EYS: variants seen among roughly 807,000 people sequenced by gnomAD.
EYS encodes protein eyes shut homolog.
EYS carries 250 observed loss-of-function variants against 282.1 expected under a neutral mutation model. That is an observed-to-expected ratio of 0.89 (90% CI 0.80 to 0.98). EYS has a LOEUF of 0.98. Ranked by LOEUF, EYS falls within the 50% of genes least tolerant of loss-of-function variation. The pLI is 0.00. For synonymous variants in EYS, 1,355 were observed against 1,282.9 expected, an observed-to-expected ratio of 1.06 and a Z score of -1.20; for missense variants, 4,016 against 3,709.0, an observed-to-expected ratio of 1.08 and a Z score of -2.15.
intron 30 of EYS, among the ~76,000 whole-genome samples, chr6:64,302,440 T>G (rs6454782): frequency 0.69 from 104,321 of 152,016 alleles, 35,825 homozygotes; most frequent in South Asian, 0.71. Context: ...ATACCAACAC[T>G]TATCTAATTA....
rs1333331886 is a variant in EYS at position 63,778,075 on chromosome 6, T to C, written c.7829A>G (p.His2610Arg). 3 of 1,551,636 alleles carry C rather than the reference T, an allele frequency of 1.9e-6. No individual in the cohort carries two copies. Among genetic ancestry groups the C allele is most frequent in the South Asian group, 2.4e-5 (2 of 84,070 alleles). The change falls in exon 40 of 43, where the codon CAT (histidine) becomes CGT (arginine). Residue 2610 changes from histidine to arginine, a missense_variant. Coordinates refer to ENST00000503581, the MANE Select transcript of EYS (RefSeq NM_001142800.2). ...TTTCATTAAACTGCAGGGAGAAGCA[T>C]GACACTGGCCAACACTGCGTCCAGC... ...PNAGRSVGQC[H>R]ASPCSLMKCG...
At chr6:64,872,756 G>C (rs1207130179) in intron 19 of EYS, among the ~76,000 whole-genome samples, 1 of 151,948 alleles carries the variant, frequency 6.6e-6, no homozygotes, top group Non-Finnish European at 1.5e-5. Context: ...AGTCTCAAAG[G>C]AACATAAACA....
At chr6:64,704,895 G>T (rs1295284666) in intron 22 of EYS, among the ~76,000 whole-genome samples, 2 of 151,980 alleles carry the variant, frequency 1.3e-5, no homozygotes, top group Admixed American at 6.6e-5. Flanking sequence ...AAAGTTAATA[G>T]CATTCCCGTT....
intron 30 of EYS, among the ~76,000 whole-genome samples, chr6:64,246,085 C>T (rs1019624531): frequency 1.4e-5 from 2 of 146,030 alleles, no homozygotes; most frequent in Middle Eastern, 3.8e-3. Flanking sequence ...GTCCATTAAC[C>T]TCCATATCCA....
chr6:64,897,298 T>C (rs908005977), intron 18 of EYS, among the ~76,000 whole-genome samples: 3 of 152,100 alleles, frequency 2.0e-5, no homozygotes, highest in African/African-American at 7.2e-5. Flanking sequence ...CCACTGGTGA[T>C]ACCCAGGCAA....
intron 36 of EYS, among the ~76,000 whole-genome samples, chr6:63,813,956 A>G (rs1345510711): frequency 2.6e-5 from 4 of 152,210 alleles, no homozygotes; most frequent in African/African-American, 9.6e-5. Context: ...ATTTGCAAAA[A>G]TACAAGATGA....
intron 26 of EYS, among the ~76,000 whole-genome samples, chr6:64,456,822 C>A (rs557729269): frequency 1.3e-5 from 2 of 152,078 alleles, no homozygotes; most frequent in African/African-American, 4.8e-5. Flanking sequence ...ATTAAAAAAA[C>A]AGCTCACATT....
At chr6:63,908,769 T>C (rs984489057) in intron 35 of EYS, among the ~76,000 whole-genome samples, 5 of 152,186 alleles carry the variant, frequency 3.3e-5, no homozygotes, top group African/African-American at 1.2e-4. Context: ...CATTCATTTT[T>C]AATAAACCAT....
chr6:65,694,704 A>T (rs1270025771), intron 1 of EYS, among the ~76,000 whole-genome samples: 1 of 148,748 alleles, frequency 6.7e-6, no homozygotes, highest in East Asian at 2.4e-4. Flanking sequence ...AAATGATGTT[A>T]ACTAGCAACG....
At chr6:65,113,511 C>A (rs1775280114) in intron 12 of EYS, among the ~76,000 whole-genome samples, 1 of 151,974 alleles carries the variant, frequency 6.6e-6, no homozygotes, top group African/African-American at 2.4e-5. Context: ...TTAAGACAAC[C>A]TATAAAATTA....
At chr6:64,572,270 G>A (rs546199890) in intron 26 of EYS, among the ~76,000 whole-genome samples, 3 of 152,234 alleles carry the variant, frequency 2.0e-5, no homozygotes, top group South Asian at 4.1e-4. Flanking sequence ...TTGATGGAAC[G>A]TATCTCAAAA....
At chr6:63,888,932 A>C (rs921733139) in intron 35 of EYS, among the ~76,000 whole-genome samples, 2 of 152,244 alleles carry the variant, frequency 1.3e-5, no homozygotes, top group Non-Finnish European at 2.9e-5. Context: ...TAACCAGTTT[A>C]GAGAAGAACA....
intron 41 of EYS, among the ~76,000 whole-genome samples, chr6:63,736,340 G>C (rs1244019246): frequency 2.0e-5 from 3 of 152,112 alleles, no homozygotes; most frequent in African/African-American, 7.2e-5. Flanking sequence ...TTATTAAATA[G>C]GGAATCCTTT....
intron 30 of EYS, among the ~76,000 whole-genome samples, chr6:64,251,213 A>G (rs1411144939): frequency 6.6e-6 from 1 of 152,156 alleles, no homozygotes; most frequent in Non-Finnish European, 1.5e-5. Context: ...GTGAAACCTT[A>G]AAATAGTCTT....
At chr6:64,774,545 G>A (rs1486666455) in intron 22 of EYS, among the ~76,000 whole-genome samples, 2 of 151,166 alleles carry the variant, frequency 1.3e-5, no homozygotes, top group Non-Finnish European at 3.0e-5. Context: ...TTCAGCAATG[G>A]GTCCTATGTG....
chr6:64,994,269 G>A (rs1052039362), intron 14 of EYS, among the ~76,000 whole-genome samples: 1 of 152,030 alleles, frequency 6.6e-6, no homozygotes, highest in Non-Finnish European at 1.5e-5. Context: ...GAAGAAAACT[G>A]GCTCATTGTT....
At chr6:65,491,949 A>G (rs1181727615) in intron 4 of EYS, among the ~76,000 whole-genome samples, 1 of 152,192 alleles carries the variant, frequency 6.6e-6, no homozygotes, top group Non-Finnish European at 1.5e-5. Context: ...GTAAAGACAC[A>G]GGGAGAAGAC....
intron 8 of EYS, among the ~76,000 whole-genome samples, chr6:65,357,292 G>A (rs141464181): frequency 1.1e-3 from 170 of 152,040 alleles, no homozygotes; most frequent in African/African-American, 4.0e-3. Flanking sequence ...AACTGGTGTT[G>A]CTTTGATTTT....
intron 26 of EYS, among the ~76,000 whole-genome samples, chr6:64,530,797 T>C (rs1764304529): frequency 6.6e-6 from 1 of 151,940 alleles, no homozygotes; most frequent in African/African-American, 2.4e-5. Context: ...ATTTGGTAAC[T>C]TTTTTTTAAA....
Sources: allele counts gnomAD v4.1 joint callset (sites outside exome capture counted in the v4.1 genomes callset), GRCh38; gene constraint gnomAD v4.1.1; transcripts MANE v1.5; gene names NCBI Gene and HGNC (gene_info 2026-07-23, HGNC 2026-07-21).